MAGI2: variants seen among roughly 807,000 people sequenced by gnomAD.
The protein encoded by MAGI2 is membrane associated guanylate kinase, WW and PDZ domain containing 2.
A neutral mutation model predicts 133.3 loss-of-function variants in MAGI2; 35 were observed. That is an observed-to-expected ratio of 0.26 (90% CI 0.20 to 0.35). The LOEUF is 0.35. MAGI2 is among the 10% of genes least tolerant of loss of function. The probability of loss-of-function intolerance (pLI) is 1.00; values close to 1 mark genes in which losing one functional copy is unlikely to be tolerated. For missense variants in MAGI2, 1,636 were observed against 1,863.4 expected (o/e 0.88, Z 2.25); for synonymous variants, 729 against 710.6 (o/e 1.03, Z -0.41).
In MAGI2 at chr7:78,622,521, G is replaced by T. The variant is rs567518345; in HGVS notation, c.538+4599C>A. Among the ~76,000 whole-genome samples the T allele has an allele frequency of 2.6e-5, 4 of 152,084 alleles. No individual in the cohort carries two copies. In the South Asian group the frequency reaches 8.3e-4, roughly 31 times the overall value. On this transcript the variant is annotated intron_variant, in intron 3 of 21. Coordinates refer to ENST00000354212, the MANE Select transcript of MAGI2 (RefSeq NM_012301.4). ...ATAAAAGTTCTCAGGTCTTTGTCTAGTTGAGTAGCACAGAATTCTGTATAT... is the reference window on the plus strand; with the variant it reads ...ATAAAAGTTCTCAGGTCTTTGTCTATTTGAGTAGCACAGAATTCTGTATAT...
intron 1 of MAGI2, among the ~76,000 whole-genome samples, chr7:79,344,298 T>C (rs1433749020): frequency 6.6e-6 from 1 of 152,078 alleles, no homozygotes; most frequent in Non-Finnish European, 1.5e-5. Context: ...AATAACATAA[T>C]TACTTACTCC....
chr7:78,161,681 A>AG (rs1563199490), intron 15 of MAGI2, among the ~76,000 whole-genome samples: 4 of 145,904 alleles, frequency 2.7e-5, no homozygotes, highest in South Asian at 2.1e-4. Flanking sequence ...AAAAAAAAAA[A>AG]AAAAAAGAAA....
At chr7:79,124,205 A>G (rs1451575073) in intron 1 of MAGI2, among the ~76,000 whole-genome samples, 1 of 152,234 alleles carries the variant, frequency 6.6e-6, no homozygotes, top group Non-Finnish European at 1.5e-5. Flanking sequence ...CAAAATATAG[A>G]AAGGCCAAGA....
chr7:78,468,894 G>A (rs958617361), intron 6 of MAGI2, among the ~76,000 whole-genome samples: 2 of 152,120 alleles, frequency 1.3e-5, no homozygotes, highest in Non-Finnish European at 2.9e-5. Flanking sequence ...AATCACACAC[G>A]GGTGGGCAGG....
At chr7:78,681,135 A>T (rs1260126227) in intron 2 of MAGI2, among the ~76,000 whole-genome samples, 1 of 152,110 alleles carries the variant, frequency 6.6e-6, no homozygotes, top group East Asian at 1.9e-4. Flanking sequence ...AACTCTTCAG[A>T]CATTACAGCA....
At chr7:78,678,706 A>G (rs1462135826) in intron 2 of MAGI2, among the ~76,000 whole-genome samples, 4 of 152,132 alleles carry the variant, frequency 2.6e-5, no homozygotes, top group African/African-American at 9.7e-5. Flanking sequence ...TTATCAATAT[A>G]AAGTCCTACC....
chr7:79,199,680 T>C (rs1325355216), intron 1 of MAGI2, among the ~76,000 whole-genome samples: 1 of 152,062 alleles, frequency 6.6e-6, no homozygotes, highest in Non-Finnish European at 1.5e-5. Context: ...TATTCTAATG[T>C]ACTTTATCAG....
chr7:78,116,665 G>A (rs141836172), intron 20 of MAGI2, among the ~76,000 whole-genome samples: 1 of 152,200 alleles, frequency 6.6e-6, no homozygotes, highest in African/African-American at 2.4e-5. Flanking sequence ...TATTGCTTGA[G>A]CCCAGAAGTT....
At chr7:78,764,541 T>C (rs1239359514) in intron 2 of MAGI2, among the ~76,000 whole-genome samples, 2 of 152,232 alleles carry the variant, frequency 1.3e-5, no homozygotes, top group Non-Finnish European at 2.9e-5. Flanking sequence ...GACCATTTAA[T>C]GATTTTTTCC....
Position 79,200,610 on chromosome 7 carries a change from C to CA in MAGI2, c.302-193405dup, listed in dbSNP as rs202079172. Among the ~76,000 whole-genome samples the CA allele has an allele frequency of 7.6e-3, 970 of 127,752 alleles. 11 individuals carry two copies. Among genetic ancestry groups the CA allele is most frequent in the African/African-American group, 0.022 (777 of 35,860 alleles). The allele number at this position is 127,752 out of a possible 152,430, so 83.8% of individuals were successfully genotyped here. A position where few individuals can be genotyped will look rare whatever the true frequency, so the allele number is the denominator to read the frequency against. On this transcript the variant is annotated intron_variant, in intron 1 of 21. Transcript: ENST00000354212. Reference sequence around the variant, plus strand: ...TGGGTGACAGAATGAGACCCCATCTCAAAAAAAAAAAAAAGTTTATATCTA... The same window carrying CA: ...TGGGTGACAGAATGAGACCCCATCTCAAAAAAAAAAAAAAAGTTTATATCTA...
chr7:78,110,929 C>T (rs538942604), intron 20 of MAGI2, among the ~76,000 whole-genome samples: 11 of 152,282 alleles, frequency 7.2e-5, no homozygotes, highest in African/African-American at 1.7e-4. Context: ...GCTTCTGAGT[C>T]GCTCTGCCAT....
intron 1 of MAGI2, among the ~76,000 whole-genome samples, chr7:79,424,720 A>G (rs1847219937): frequency 6.6e-6 from 1 of 152,184 alleles, no homozygotes; most frequent in African/African-American, 2.4e-5. Context: ...GAAATAATAT[A>G]CTAAAGACTA....
chr7:78,402,069 G>T (rs1306952638), intron 6 of MAGI2, among the ~76,000 whole-genome samples: 2 of 152,102 alleles, frequency 1.3e-5, no homozygotes, highest in African/African-American at 4.8e-5. Context: ...CCCACGGCAT[G>T]TTCTATTACA....
At position 78,019,429 on chromosome 7, in the gene MAGI2, G is replaced by T. The variant is rs1234918476; in HGVS notation, c.4254C>A (p.Pro1418=). Residue 1418 remains proline, a synonymous_variant, in exon 22 of 22, where the codon CCC becomes CCA. Transcript: ENST00000354212. ...CCTTGCGCGCCGGGGCGCCCCCCGG[G>T]GGTCGCGGGCCCGGCCGGGGACCCG... ...ARAGPRPGPR[P]PGGAPARKAA... 2 of 1,050,598 alleles carry T rather than the reference G, an allele frequency of 1.9e-6. No individual in the cohort carries two copies. Among genetic ancestry groups the T allele is most frequent in the African/African-American group, 3.4e-5 (2 of 58,366 alleles). 65.1% of individuals were successfully genotyped at this position (1,050,598 alleles called of 1,614,324 possible).
At chr7:78,215,784 ATGAGT>A (rs933873309) in intron 10 of MAGI2, among the ~76,000 whole-genome samples, 42 of 152,308 alleles carry the variant, frequency 2.8e-4, no homozygotes, top group African/African-American at 9.9e-4. Context: ...ATTTTTATTA[ATGAGT>A]TGAGTGAACA....
chr7:79,234,401 G>T (rs550723132), intron 1 of MAGI2, among the ~76,000 whole-genome samples: 5,783 of 151,830 alleles, frequency 0.038, 173 homozygotes, highest in African/African-American at 0.077. Context: ...TTCCAACTTG[G>T]TTCCATTCTC....
Position 79,020,204 on chromosome 7 carries a change from A to G in MAGI2, c.302-12998T>C, listed in dbSNP as rs79241713. On this transcript the variant is annotated intron_variant, in intron 1 of 21. Coordinates refer to ENST00000354212, the MANE Select transcript of MAGI2 (RefSeq NM_012301.4). ...TGGAGGCATTTTGTTCCTACCTTAG[A>G]GACGTGTGGAACTTTGAACTTGAGA... 3.7e-3 allele frequency among the ~76,000 whole-genome samples: 566 copies of G among 152,272 alleles called. 2 individuals are homozygous for G. Among genetic ancestry groups the G allele is most frequent in the African/African-American group, 0.013 (537 of 41,576 alleles).
At chr7:79,203,742 C>T (rs2191814) in intron 1 of MAGI2, among the ~76,000 whole-genome samples, 27,359 of 151,836 alleles carry the variant, frequency 0.18, 6,245 homozygotes, top group African/African-American at 0.53. Flanking sequence ...ATATTTAAGC[C>T]GCCACCAACG....
intron 6 of MAGI2, among the ~76,000 whole-genome samples, chr7:78,482,943 C>T (rs1792571171): frequency 6.7e-6 from 1 of 150,056 alleles, no homozygotes; most frequent in Non-Finnish European, 1.5e-5. Context: ...GTATACCTGG[C>T]AAAATATGAT....
Sources: allele counts gnomAD v4.1 joint callset (sites outside exome capture counted in the v4.1 genomes callset), GRCh38; gene constraint gnomAD v4.1.1; transcripts MANE v1.5; gene names NCBI Gene and HGNC (gene_info 2026-07-23, HGNC 2026-07-21).